Variants in ADD1 observed in about 807,000 individuals in gnomAD.
The protein encoded by ADD1 is adducin 1.
A neutral mutation model predicts 80.5 loss-of-function variants in ADD1; 24 were observed. The ratio of observed to expected loss-of-function variants is 0.30; its 90% confidence interval spans 0.22 to 0.42. The LOEUF is 0.42. Ranked by LOEUF, ADD1 falls within the 10% of genes least tolerant of loss-of-function variation. ADD1 has a pLI of 1.00. For synonymous variants in ADD1, 373 were observed against 393.8 expected (o/e 0.95, Z 0.63); for missense variants, 948 against 1,019.0 (o/e 0.93, Z 0.95).
At chr4:2,875,146 T>C (rs1419433670) in intron 1 of ADD1, among the ~76,000 whole-genome samples, 1 of 152,140 alleles carries the variant, frequency 6.6e-6, no homozygotes, top group Non-Finnish European at 1.5e-5. Flanking sequence ...GAAGGATCAC[T>C]TGAGCCTGGG....
intron 2 of ADD1, among the ~76,000 whole-genome samples, chr4:2,877,001 C>CAAAAAAAAAAAAAAAAAAAAAAAAAAAA (rs397879163): frequency 8.5e-6 from 1 of 118,112 alleles, no homozygotes; most frequent in Non-Finnish European, 1.8e-5. Flanking sequence ...GACTCTGTCT[C>CAAAAAAAAAAAAAAAAAAAAAAAAAAAA]AAAAAAAAAA....
Position 2,876,052 on chromosome 4 carries a change from G to C in ADD1, c.137G>C (p.Arg46Pro). Residue 46 changes from arginine (R) to proline (P), a missense_variant, in exon 2 of 16, where the codon CGC (arginine) becomes CCC (proline). Arg to Pro is a moderately radical substitution (Grantham distance 103). Transcript: ENST00000683351. Reference sequence around the variant, plus strand: ...GAGAGGAACATGGCACCAGACCTTCGCCAGGACTTCAACATGATGGAGCAA... The same window carrying C: ...GAGAGGAACATGGCACCAGACCTTCCCCAGGACTTCAACATGATGGAGCAA... ...LRERNMAPDL[R>P]QDFNMMEQKK... 1 of 1,614,034 alleles carries C rather than the reference G, an allele frequency of 6.2e-7. No homozygotes were observed. The highest frequency in any genetic ancestry group is 8.5e-7 in the Non-Finnish European group (1 of 1,179,970).
At chr4:2,877,345 G>A (rs190432488) in intron 2 of ADD1, among the ~76,000 whole-genome samples, 2 of 152,050 alleles carry the variant, frequency 1.3e-5, no homozygotes, top group Admixed American at 1.3e-4. Flanking sequence ...TGCTGTTTAA[G>A]GAACTGGGCA....
chr4:2,890,184 A>G (rs1481916892), intron 4 of ADD1, among the ~76,000 whole-genome samples: 2 of 149,062 alleles, frequency 1.3e-5, no homozygotes, highest in Non-Finnish European at 3.0e-5. Context: ...ACAGAGTGAG[A>G]CTCCGTCTCA....
intron 9 of ADD1, among the ~76,000 whole-genome samples, chr4:2,904,123 G>T (rs1259485906): frequency 6.6e-6 from 1 of 152,114 alleles, no homozygotes; most frequent in East Asian, 1.9e-4. Context: ...AACCCTGTTT[G>T]GGTGTTCAAC....
In ADD1 at chr4:2,881,880, T is replaced by G. The variant is rs1308514341; in HGVS notation, c.196-18T>G. On this transcript the variant is annotated intron_variant, in intron 2 of 15. Coordinates refer to ENST00000683351, the MANE Select transcript of ADD1 (RefSeq NM_001354761.2). ...CAGAAAATAAATGGTATCTCAGTGT[T>G]TTAATATTTTTTATTAGGCTTTCTG... The G allele has an allele frequency of 7.6e-6, 12 of 1,588,510 alleles. No individual in the cohort carries two copies. The highest frequency in any genetic ancestry group is 1.0e-5 in the Non-Finnish European group (12 of 1,169,564).
At chr4:2,858,938 C>G (rs938818969) in intron 1 of ADD1, among the ~76,000 whole-genome samples, 3 of 152,220 alleles carry the variant, frequency 2.0e-5, no homozygotes, top group Non-Finnish European at 4.4e-5. Flanking sequence ...AACATATCAC[C>G]GAGTGTATTT....
chr4:2,866,312 A>T (rs1485739642), intron 1 of ADD1, among the ~76,000 whole-genome samples: 1 of 152,044 alleles, frequency 6.6e-6, no homozygotes, highest in Admixed American at 6.6e-5. Flanking sequence ...GACTACAGGC[A>T]CGCACCATCA....
intron 9 of ADD1, chr4:2,900,680 C>T (rs1056026900): frequency 6.6e-6 from 1 of 152,182 alleles, no homozygotes; most frequent in Admixed American, 6.5e-5. Context: ...AATGTTCTTA[C>T]TGAAATTCTT....
At chr4:2,911,923 T>C (rs184432417) in intron 13 of ADD1, among the ~76,000 whole-genome samples, 4 of 152,312 alleles carry the variant, frequency 2.6e-5, no homozygotes, top group African/African-American at 4.8e-5. Flanking sequence ...CTTCATGCTG[T>C]GTGGTAGAAA....
At chr4:2,914,638 C>T in intron 13 of ADD1, 2 of 400,648 alleles carry the variant, frequency 5.0e-6, no homozygotes, top group Non-Finnish European at 8.8e-6. Flanking sequence ...GCTTCTGAAA[C>T]CTGGAAGGCT....
chr4:2,924,793 A>C (rs549819517), intron 14 of ADD1, among the ~76,000 whole-genome samples: 1 of 152,144 alleles, frequency 6.6e-6, no homozygotes, highest in Non-Finnish European at 1.5e-5. Context: ...CATTGCTGTA[A>C]TTACCTGCCT....
intron 1 of ADD1, among the ~76,000 whole-genome samples, chr4:2,856,055 TAA>T (rs35673788): frequency 0.023 from 3,210 of 139,754 alleles, 63 homozygotes; most frequent in African/African-American, 0.051. Flanking sequence ...AGTTCTTTTT[TAA>T]AAAAAAAAAA....
intron 1 of ADD1, among the ~76,000 whole-genome samples, chr4:2,862,319 G>C (rs1167746668): frequency 1.3e-5 from 2 of 152,152 alleles, no homozygotes; most frequent in African/African-American, 2.4e-5. Flanking sequence ...TTCAAACCAG[G>C]GTTTTAGGAG....
intron 9 of ADD1, 118 bp from the exon 10 acceptor site, chr4:2,904,646 T>C: frequency 1.1e-6 from 1 of 872,688 alleles, no homozygotes; most frequent in Non-Finnish European, 1.8e-6. Flanking sequence ...GTGGAATTAC[T>C]GAGTCATAGG....
At chr4:2,878,447 G>A (rs1731709113) in intron 2 of ADD1, among the ~76,000 whole-genome samples, 1 of 152,172 alleles carries the variant, frequency 6.6e-6, no homozygotes. Flanking sequence ...ATAGCACCGA[G>A]ACTTTTGGCT....
At chr4:2,863,096 C>G (rs1447902159) in intron 1 of ADD1, among the ~76,000 whole-genome samples, 1 of 152,096 alleles carries the variant, frequency 6.6e-6, no homozygotes, top group African/African-American at 2.4e-5. Context: ...GTCACCCAGG[C>G]TAGAGTGCAG....
intron 4 of ADD1, among the ~76,000 whole-genome samples, chr4:2,890,431 A>G (rs1734113633): frequency 6.6e-6 from 1 of 152,186 alleles, no homozygotes; most frequent in Non-Finnish European, 1.5e-5. Flanking sequence ...TGTTTGAGAC[A>G]GAGTCTCACC....
At position 2,904,667 on chromosome 4, in the gene ADD1, G is replaced by A. The variant is rs145634840; in HGVS notation, c.1162-97G>A. 828 of 1,138,198 alleles carry A rather than the reference G, an allele frequency of 7.3e-4. 2 individuals carry two copies. In the African/African-American group the frequency reaches 0.011, roughly 16 times the overall value. The allele number at this position is 1,138,198 out of a possible 1,614,324, so 70.5% of individuals were successfully genotyped here. A position where few individuals can be genotyped will look rare whatever the true frequency, so the allele number is the denominator to read the frequency against. Reference sequence around the variant, plus strand: ...TTACTGAGTCATAGGGTATGCATGTGTTCAACTTTTGTGGATGTTTCCACA... The same window carrying A: ...TTACTGAGTCATAGGGTATGCATGTATTCAACTTTTGTGGATGTTTCCACA... On this transcript the variant is annotated intron_variant, in intron 9 of 15. Transcript: ENST00000683351.
Sources: allele counts gnomAD v4.1 joint callset (sites outside exome capture counted in the v4.1 genomes callset), GRCh38; gene constraint gnomAD v4.1.1; transcripts MANE v1.5; gene names NCBI Gene and HGNC (gene_info 2026-07-23, HGNC 2026-07-21).